OTUD7A: variants seen among roughly 807,000 people sequenced by gnomAD.
OTUD7A encodes the protein OTU deubiquitinase 7A, also known as OTU domain-containing protein 7A.
A neutral mutation model predicts 65.7 loss-of-function variants in OTUD7A; 12 were observed. That is an observed-to-expected ratio of 0.18 (90% CI 0.12 to 0.30). OTUD7A has a LOEUF of 0.30. Ranked by LOEUF, OTUD7A falls within the 10% of genes least tolerant of loss-of-function variation. OTUD7A has a pLI of 1.00. For synonymous variants in OTUD7A, 641 were observed against 586.3 expected, an observed-to-expected ratio of 1.09 and a Z score of -1.35; for missense variants, 1,148 against 1,304.8, an observed-to-expected ratio of 0.88 and a Z score of 1.85.
chr15:31,684,062 G>A (rs573016558), intron 1 of OTUD7A, among the ~76,000 whole-genome samples: 8 of 152,316 alleles, frequency 5.3e-5, no homozygotes, highest in Admixed American at 1.3e-4. Context: ...GGAAGCAATT[G>A]ATTTCAACAA....
chr15:31,605,153 ACT>A (rs1187831640), intron 3 of OTUD7A, among the ~76,000 whole-genome samples: 2 of 151,712 alleles, frequency 1.3e-5, no homozygotes, highest in African/African-American at 2.4e-5. Flanking sequence ...GTTAGAACTT[ACT>A]CTCTCTGTGC....
intron 1 of OTUD7A, among the ~76,000 whole-genome samples, chr15:31,867,881 T>TG (rs1272152529): frequency 8.0e-6 from 1 of 125,190 alleles, no homozygotes; most frequent in African/African-American, 3.0e-5. Flanking sequence ...TTCCATCTCT[T>TG]GGAAGACAGG....
At chr15:31,528,952 G>A (rs1251035040) in intron 6 of OTUD7A, among the ~76,000 whole-genome samples, 1 of 152,198 alleles carries the variant, frequency 6.6e-6, no homozygotes, top group African/African-American at 2.4e-5. Flanking sequence ...TCTTGGAGGG[G>A]GGTCTCACAG....
intron 1 of OTUD7A, among the ~76,000 whole-genome samples, chr15:31,839,644 C>T (rs1897137330): frequency 6.6e-6 from 1 of 152,078 alleles, no homozygotes; most frequent in South Asian, 2.1e-4. Context: ...GCTCCATATT[C>T]CAGGGACATC....
intron 3 of OTUD7A, among the ~76,000 whole-genome samples, chr15:31,596,167 G>A (rs1320448085): frequency 6.6e-6 from 1 of 152,136 alleles, no homozygotes; most frequent in South Asian, 2.1e-4. Context: ...GGAATCTTGA[G>A]GGACATCTGT....
At chr15:31,782,606 G>A (rs147271673) in intron 1 of OTUD7A, among the ~76,000 whole-genome samples, 202 of 152,294 alleles carry the variant, frequency 1.3e-3, no homozygotes, top group African/African-American at 4.3e-3. Flanking sequence ...GAAGGGTGGC[G>A]GCAGCAGTAC....
Position 31,671,879 on chromosome 15 carries a change from T to C in OTUD7A, c.-99-14802A>G, listed in dbSNP as rs369474303. 3.6e-4 allele frequency among the ~76,000 whole-genome samples: 55 copies of C among 152,312 alleles called. 1 individual carries two copies. In the South Asian group the frequency reaches 9.5e-3, roughly 26 times the overall value. ...TATTTTGCCACCCAGGTAATAAGCA[T>C]AGGACCTGCTAGGTAGTATTTTTAT... On this transcript the variant is annotated intron_variant, in intron 1 of 12. Transcript: ENST00000307050.
chr15:31,753,828 C>A (rs1360619186), intron 1 of OTUD7A, among the ~76,000 whole-genome samples: 1 of 150,516 alleles, frequency 6.6e-6, no homozygotes, highest in African/African-American at 2.4e-5. Context: ...GCTATAAACA[C>A]ACATGTGCAG....
chr15:31,812,041 G>A (rs1896432046), intron 1 of OTUD7A, among the ~76,000 whole-genome samples: 1 of 152,236 alleles, frequency 6.6e-6, no homozygotes, highest in Admixed American at 6.5e-5. Flanking sequence ...GATGGGGCAG[G>A]TGGTGACCAG....
intron 1 of OTUD7A, among the ~76,000 whole-genome samples, chr15:31,713,894 A>G (rs1304900767): frequency 6.7e-6 from 1 of 149,822 alleles, no homozygotes; most frequent in East Asian, 1.9e-4. Flanking sequence ...AAGTTGCTCA[A>G]CCTTATTAGT....
intron 1 of OTUD7A, among the ~76,000 whole-genome samples, chr15:31,798,755 G>A (rs1700035246): frequency 6.6e-6 from 1 of 152,196 alleles, no homozygotes; most frequent in Admixed American, 6.5e-5. Flanking sequence ...ACGTTGTTCT[G>A]GTTCCCAGCC....
chr15:31,858,720 C>T (rs1897642965), intron 1 of OTUD7A, among the ~76,000 whole-genome samples: 1 of 152,246 alleles, frequency 6.6e-6, no homozygotes, highest in South Asian at 2.1e-4. Context: ...TGCACACCAC[C>T]AACCCGGCCA....
In OTUD7A at chr15:31,681,224, G is replaced by A. The variant is rs368484808; in HGVS notation, c.-99-24147C>T. Among the ~76,000 whole-genome samples, 8 of 151,668 alleles carry A rather than the reference G, an allele frequency of 5.3e-5. No individual in the cohort carries two copies. In the South Asian group the frequency reaches 8.3e-4, roughly 16 times the overall value. Reference sequence around the variant, plus strand: ...TTCTGTCTCCCCTTCTGTTGGTCATGTGTCTGCTAAGTAGATGTCTAACTA... The same window carrying A: ...TTCTGTCTCCCCTTCTGTTGGTCATATGTCTGCTAAGTAGATGTCTAACTA... On this transcript the variant is annotated intron_variant, in intron 1 of 12. Transcript: ENST00000307050.
intron 1 of OTUD7A, among the ~76,000 whole-genome samples, chr15:31,802,250 C>T (rs1371632469): frequency 6.6e-6 from 1 of 151,780 alleles, no homozygotes; most frequent in Admixed American, 6.6e-5. Context: ...ATTCTGAGTC[C>T]CAAAACTGAA....
chr15:31,769,205 A>G (rs1895166610), intron 1 of OTUD7A, among the ~76,000 whole-genome samples: 1 of 152,252 alleles, frequency 6.6e-6, no homozygotes, highest in Admixed American at 6.5e-5. Context: ...TCAAAGCTAC[A>G]GTAGTTCTAT....
chr15:31,853,485 C>A lies in OTUD7A; in HGVS notation c.-100+17022G>T, dbSNP rs368913152. Among the ~76,000 whole-genome samples, 35 of 152,332 alleles carry A rather than the reference C, an allele frequency of 2.3e-4. 1 individual carries two copies. The East Asian group carries it at 3.7e-3, about 16-fold the overall frequency. On this transcript the variant is annotated intron_variant, in intron 1 of 12. Transcript: ENST00000307050. ...GAACCAATGCAATCAGGAACAGACA[C>A]AGAGAGCCAGCACCCACCTCCTGAA...
chr15:31,586,513 G>A (rs142771854), intron 3 of OTUD7A, among the ~76,000 whole-genome samples: 65 of 152,264 alleles, frequency 4.3e-4, no homozygotes, highest in African/African-American at 1.5e-3. Context: ...CCACAGCCCT[G>A]CTGTGAGCTT....
chr15:31,830,878 A>C (rs1166635685), intron 1 of OTUD7A, among the ~76,000 whole-genome samples: 2 of 152,222 alleles, frequency 1.3e-5, no homozygotes, highest in African/African-American at 4.8e-5. Context: ...AAACTCAATC[A>C]CATTGGAGCA....
chr15:31,797,756 C>G (rs184167670), intron 1 of OTUD7A, among the ~76,000 whole-genome samples: 1 of 152,372 alleles, frequency 6.6e-6, no homozygotes, highest in East Asian at 1.9e-4. Context: ...CCTATTGCCA[C>G]TGCCCCAACG....
Sources: gnomAD v4.1 joint callset for allele counts (sites outside exome capture counted in the v4.1 genomes callset) on GRCh38, gnomAD v4.1.1 for gene constraint, MANE v1.5 for transcripts, NCBI Gene and HGNC (gene_info 2026-07-23, HGNC 2026-07-21) for gene names.